The following NOL4 variants were observed in gnomAD, a reference collection of about 807,000 sequenced individuals.
NOL4 encodes the protein cancer/testis antigen 125.
A neutral mutation model predicts 75.9 loss-of-function variants in NOL4; 17 were observed. The observed-to-expected ratio is 0.22, with a 90% CI of 0.15 to 0.34. The LOEUF (loss-of-function observed/expected upper bound fraction) is 0.34, where lower values mean the gene tolerates loss of function less well. Ranked by LOEUF, NOL4 falls within the 10% of genes least tolerant of loss-of-function variation. The pLI, the probability that NOL4 is intolerant of heterozygous loss-of-function variation, is 1.00. For synonymous variants in NOL4, 292 were observed against 289.9 expected (o/e 1.01, Z -0.07); for missense variants, 614 against 793.5 (o/e 0.77, Z 2.72).
Position 33,912,952 on chromosome 18 carries a change from G to C in NOL4, c.1543-29528C>G, listed in dbSNP as rs185239779. Among the ~76,000 whole-genome samples the C allele has an allele frequency of 1.5e-3, 225 of 152,144 alleles. 2 individuals carry two copies. The highest frequency in any genetic ancestry group is 6.8e-3 in the Middle Eastern group (2 of 294). On this transcript the variant is annotated intron_variant, in intron 9 of 10. Transcript: ENST00000261592. ...TTCTCTACTATTCACCAAAACTACA[G>C]TGTCTTGATCAGTATATGTGTTCAG...
intron 5 of NOL4, 112 bp downstream of exon 5, chr18:34,093,353 G>C (rs1180505224): frequency 1.9e-6 from 2 of 1,064,860 alleles, no homozygotes; most frequent in East Asian, 5.1e-5. Context: ...CCATAGAAAT[G>C]GGTAGATTTT....
At chr18:34,168,794 TAATTTATAAATTCCA>T (rs142909744) in intron 1 of NOL4, among the ~76,000 whole-genome samples, 3,300 of 151,928 alleles carry the variant, frequency 0.022, 131 homozygotes, top group African/African-American at 0.076. Flanking sequence ...AAGATAATTC[TAATTTATAAATTCCA>T]AACCAATCAA....
chr18:34,179,854 C>T (rs1209598319), intron 1 of NOL4, among the ~76,000 whole-genome samples: 1 of 151,392 alleles, frequency 6.6e-6, no homozygotes, highest in Non-Finnish European at 1.5e-5. Context: ...GACTTCAGAA[C>T]TGTAAGATAT....
intron 10 of NOL4, among the ~76,000 whole-genome samples, chr18:33,875,883 AAATGTATCTCTCAATTCAAT>A (rs1197033907): frequency 5.3e-5 from 8 of 152,056 alleles, no homozygotes; most frequent in African/African-American, 1.9e-4. Context: ...ATTTTCTTGA[AAATGTATCTCTCAATTCAAT>A]AAGATAGGTA....
chr18:34,061,812 G>A (rs1600444528), intron 5 of NOL4, among the ~76,000 whole-genome samples: 1 of 152,026 alleles, frequency 6.6e-6, no homozygotes, highest in African/African-American at 2.4e-5. Flanking sequence ...TTGAGATAAA[G>A]GGATCACGTC....
At chr18:33,970,134 G>A (rs1359479544) in intron 6 of NOL4, among the ~76,000 whole-genome samples, 4 of 152,160 alleles carry the variant, frequency 2.6e-5, no homozygotes, top group African/African-American at 4.8e-5. Flanking sequence ...TGAGTTCTTA[G>A]TGTTTTTGTT....
intron 6 of NOL4, among the ~76,000 whole-genome samples, chr18:33,969,200 C>A (rs939168069): frequency 5.3e-5 from 8 of 152,194 alleles, no homozygotes; most frequent in African/African-American, 1.9e-4. Context: ...ATCCAACATG[C>A]AACTTAAATC....
At chr18:34,208,692 C>A (rs1197300358) in intron 1 of NOL4, among the ~76,000 whole-genome samples, 3 of 151,218 alleles carry the variant, frequency 2.0e-5, no homozygotes, top group Admixed American at 1.3e-4. Context: ...CCCGTCTCTA[C>A]TAAAATCACC....
intron 9 of NOL4, among the ~76,000 whole-genome samples, chr18:33,920,414 T>C (rs1274859764): frequency 6.6e-6 from 1 of 152,266 alleles, no homozygotes; most frequent in African/African-American, 2.4e-5. Flanking sequence ...ATTATGTGCC[T>C]TCAATATTTC....
At chr18:34,067,495 G>T (rs2077331139) in intron 5 of NOL4, among the ~76,000 whole-genome samples, 1 of 152,186 alleles carries the variant, frequency 6.6e-6, no homozygotes, top group South Asian at 2.1e-4. Flanking sequence ...GAAGCAAGGA[G>T]ATCAGGTATG....
intron 10 of NOL4, among the ~76,000 whole-genome samples, chr18:33,863,588 T>C (rs1250431693): frequency 6.6e-6 from 1 of 152,110 alleles, no homozygotes; most frequent in East Asian, 1.9e-4. Flanking sequence ...AATGATCTTC[T>C]TTGACTCATG....
chr18:34,197,746 A>G (rs1232480509), intron 1 of NOL4, among the ~76,000 whole-genome samples: 1 of 151,946 alleles, frequency 6.6e-6, no homozygotes, highest in Non-Finnish European at 1.5e-5. Context: ...AGGGAACAAC[A>G]TAGGAAAAGG....
chr18:33,911,413 T>C (rs186817323), intron 9 of NOL4, among the ~76,000 whole-genome samples: 4 of 152,218 alleles, frequency 2.6e-5, no homozygotes, highest in African/African-American at 9.6e-5. Flanking sequence ...CTACAATATA[T>C]TTTTTACCTT....
chr18:34,002,769 C>CTT (rs2073805688), intron 6 of NOL4, among the ~76,000 whole-genome samples: 4 of 151,988 alleles, frequency 2.6e-5, no homozygotes, highest in Non-Finnish European at 5.9e-5. Flanking sequence ...ATACTCATAC[C>CTT]AATTAAGTCC....
At chr18:34,038,544 T>G (rs987563603) in intron 5 of NOL4, among the ~76,000 whole-genome samples, 38 of 152,054 alleles carry the variant, frequency 2.5e-4, no homozygotes, top group African/African-American at 9.2e-4. Flanking sequence ...TAGTAGAATA[T>G]GATTTGGCCA....
chr18:34,098,304 T>C (rs1353151511), intron 4 of NOL4, among the ~76,000 whole-genome samples: 2 of 152,142 alleles, frequency 1.3e-5, no homozygotes, highest in East Asian at 3.9e-4. Context: ...CCAGCTGCCA[T>C]ACAATAAAGC....
At chr18:34,001,050 A>C (rs2073661716) in intron 6 of NOL4, among the ~76,000 whole-genome samples, 1 of 152,172 alleles carries the variant, frequency 6.6e-6, no homozygotes, top group African/African-American at 2.4e-5. Context: ...AGTAAATCTT[A>C]AGGAATATGT....
chr18:33,861,189 G>A (rs2063106099), intron 10 of NOL4, among the ~76,000 whole-genome samples: 1 of 152,116 alleles, frequency 6.6e-6, no homozygotes, highest in Admixed American at 6.6e-5. Context: ...CTATTGATTG[G>A]AATAGTTTCA....
At chr18:34,153,796 A>G (rs547732803) in intron 1 of NOL4, among the ~76,000 whole-genome samples, 52 of 152,196 alleles carry the variant, frequency 3.4e-4, no homozygotes, top group African/African-American at 1.1e-3. Context: ...TTCATCTAAC[A>G]GTCCAGTGAT....
Sources: gnomAD v4.1 joint callset for allele counts (sites outside exome capture counted in the v4.1 genomes callset) on GRCh38, gnomAD v4.1.1 for gene constraint, MANE v1.5 for transcripts, NCBI Gene and HGNC (gene_info 2026-07-23, HGNC 2026-07-21) for gene names.